The following SPG11 variants were observed in gnomAD, a reference collection of about 807,000 sequenced individuals.
SPG11 encodes the protein SPG11 vesicle trafficking associated, spatacsin, also known as spatacsin.
In SPG11, 222 loss-of-function variants were observed where a neutral mutation model predicts 274.0. That is an observed-to-expected ratio of 0.81 (90% CI 0.73 to 0.91). SPG11 has a LOEUF of 0.91. Among genes scored for constraint, SPG11 ranks in the 40% least tolerant of loss-of-function variants. SPG11 has a pLI of 0.00. For synonymous variants in SPG11, 1,144 were observed against 1,039.7 expected, an observed-to-expected ratio of 1.10 and a Z score of -1.93; for missense variants, 3,114 against 2,872.7, an observed-to-expected ratio of 1.08 and a Z score of -1.92.
chr15:44,634,167 T>A (rs1422141603), intron 7 of SPG11, among the ~76,000 whole-genome samples: 1 of 151,776 alleles, frequency 6.6e-6, no homozygotes, highest in African/African-American at 2.4e-5. Flanking sequence ...AAACAGGAGG[T>A]TATTAGACTA....
chr15:44,584,479 C>A lies in SPG11; in HGVS notation c.5201G>T (p.Cys1734Phe), dbSNP rs780601824. The A allele has an allele frequency of 1.9e-6, 3 of 1,614,158 alleles. No individual in the cohort carries two copies. The East Asian group carries it at 6.7e-5, about 36-fold the overall frequency. Residue 1734 changes from cysteine to phenylalanine, a missense_variant, in exon 30 of 40, where the codon TGC (cysteine) becomes TTC (phenylalanine). By Grantham distance (205) the Cys-to-Phe change is radical. Coordinates refer to ENST00000261866, the MANE Select transcript of SPG11 (RefSeq NM_025137.4). ...TGAATTTTTCTTAAAATTCTCATGG[C>A]ATTTTTTCCAGAAGTCAATTCTTGC... ...KQARIDFWKK[C>F]HENFKKNSIS...
intron 10 of SPG11, 129 bp from the exon 11 acceptor site, chr15:44,626,636 G>A: frequency 2.1e-6 from 2 of 963,606 alleles, no homozygotes; most frequent in South Asian, 1.5e-5. Flanking sequence ...ACTAGATTTG[G>A]AGTTAGGTTC....
At chr15:44,580,082 A>T (rs547609142) in intron 30 of SPG11, among the ~76,000 whole-genome samples, 28 of 152,342 alleles carry the variant, frequency 1.8e-4, no homozygotes, top group Middle Eastern at 3.4e-3. Context: ...ATTTAAAAAA[A>T]TTTTTTAAAT....
At chr15:44,652,332 T>C in intron 4 of SPG11, 66 bp from the exon 5 acceptor site, 1 of 1,538,862 alleles carries the variant, frequency 6.5e-7, no homozygotes, top group Non-Finnish European at 8.9e-7. Context: ...GTGTTACTAC[T>C]GCTCCTGTTA....
chr15:44,603,826 AGTT>A (rs1481348163), intron 20 of SPG11, among the ~76,000 whole-genome samples: 2 of 152,192 alleles, frequency 1.3e-5, no homozygotes, highest in Admixed American at 1.3e-4. Context: ...CCATGTAGAT[AGTT>A]GTTATACTGT....
chr15:44,571,304 G>A (rs145253534), intron 33 of SPG11, among the ~76,000 whole-genome samples: 48 of 151,938 alleles, frequency 3.2e-4, no homozygotes, highest in Non-Finnish European at 5.1e-4. Flanking sequence ...TGGACATTTC[G>A]TCCAGAACTC....
At position 44,565,926 on chromosome 15, in the gene SPG11, C is replaced by T; in HGVS notation, c.6927G>A (p.Gln2309=). The T allele has an allele frequency of 6.2e-7, 1 of 1,613,816 alleles. No individual in the cohort carries two copies. Among genetic ancestry groups the T allele is most frequent in the South Asian group, 1.1e-5 (1 of 91,010 alleles). Residue 2309 remains glutamine (Q), a synonymous_variant, in exon 38 of 40, where the codon CAG becomes CAA. Coordinates refer to ENST00000261866, the MANE Select transcript of SPG11 (RefSeq NM_025137.4). ...TLQIHFLNTG[Q]NTMLINLGRH... ...GGCCCAAGTTGATGAGCATTGTGTT[C>T]TGGCCAGTGTTCAGAAAGTGAATCT...
At chr15:44,609,025 T>C (rs772241176) in intron 18 of SPG11, among the ~76,000 whole-genome samples, 11 of 152,320 alleles carry the variant, frequency 7.2e-5, no homozygotes, top group Non-Finnish European at 1.5e-4. Flanking sequence ...TGATTAAAAA[T>C]AGAGGATTAA....
intron 20 of SPG11, among the ~76,000 whole-genome samples, chr15:44,602,402 TGA>T (rs1162382547): frequency 3.9e-5 from 6 of 152,166 alleles, no homozygotes; most frequent in African/African-American, 1.4e-4. Context: ...CCTAATTTGT[TGA>T]GAGTTTTTAT....
intron 15 of SPG11, among the ~76,000 whole-genome samples, chr15:44,617,440 T>C (rs1189383896): frequency 6.6e-6 from 1 of 152,226 alleles, no homozygotes; most frequent in Non-Finnish European, 1.5e-5. Flanking sequence ...TTTCCCCATA[T>C]AGCTATTCAG....
chr15:44,576,680 A>C (rs535923838), intron 30 of SPG11, among the ~76,000 whole-genome samples: 3 of 152,132 alleles, frequency 2.0e-5, no homozygotes, highest in Admixed American at 2.0e-4. Flanking sequence ...GGGTCTATCT[A>C]TATGTACTGA....
intron 29 of SPG11, among the ~76,000 whole-genome samples, chr15:44,585,215 T>C (rs1012004776): frequency 4.6e-5 from 7 of 151,744 alleles, no homozygotes; most frequent in African/African-American, 1.7e-4. Context: ...AAAAAAAAAG[T>C]CTTATCTCCT....
chr15:44,640,571 A>T (rs1205457657), intron 7 of SPG11, among the ~76,000 whole-genome samples: 1 of 152,200 alleles, frequency 6.6e-6, no homozygotes, highest in African/African-American at 2.4e-5. Context: ...GAATAAGGGA[A>T]TTTGTCCTAA....
At chr15:44,568,049 G>A (rs533182643) in intron 35 of SPG11, among the ~76,000 whole-genome samples, 7 of 152,302 alleles carry the variant, frequency 4.6e-5, no homozygotes, top group African/African-American at 1.7e-4. Context: ...ACTTTGTTAA[G>A]TGAGAAAAGC....
chr15:44,611,715 A>C (rs2083463126), intron 17 of SPG11, among the ~76,000 whole-genome samples: 1 of 152,172 alleles, frequency 6.6e-6, no homozygotes. Flanking sequence ...AAAATGGAAA[A>C]TGCCCTCATT....
chr15:44,634,030 G>T (rs986085132), intron 7 of SPG11, among the ~76,000 whole-genome samples: 1 of 152,134 alleles, frequency 6.6e-6, no homozygotes, highest in Non-Finnish European at 1.5e-5. Context: ...GTAGAGACAG[G>T]GTTTCACTGT....
intron 18 of SPG11, among the ~76,000 whole-genome samples, chr15:44,610,452 A>G (rs947164007): frequency 3.3e-5 from 5 of 152,068 alleles, no homozygotes; most frequent in African/African-American, 1.2e-4. Context: ...GTACAATCTC[A>G]GCTCACTGCA....
intron 33 of SPG11, among the ~76,000 whole-genome samples, chr15:44,570,940 T>C (rs983311133): frequency 1.3e-5 from 2 of 152,198 alleles, no homozygotes; most frequent in Non-Finnish European, 2.9e-5. Flanking sequence ...CACCCTCGCC[T>C]TCTAAACATG....
rs2083896285 is a variant in SPG11, at chr15:44,626,331, C to T, written c.2244G>A (p.Met748Ile). The T allele has an allele frequency of 6.2e-7, 1 of 1,609,952 alleles. No individual in the cohort carries two copies. The highest frequency in any genetic ancestry group is 8.5e-7 in the Non-Finnish European group (1 of 1,178,478). The change falls in exon 11 of 40, where the codon ATG becomes ATA. Residue 748 changes from methionine to isoleucine, a missense_variant and splice_region_variant. By Grantham distance (10) the Met-to-Ile change is conservative. Transcript: ENST00000261866. ...AGACTTTATGGATTACACCACTCAC[C>T]ATATTCTTCAAAAGTTCAGAGGCTT... is the stretch of plus-strand genomic sequence containing the variant. ...IKEASELLKN[M>I]GFDVKGQLLK...
Sources: gnomAD v4.1 joint callset for allele counts (sites outside exome capture counted in the v4.1 genomes callset) on GRCh38, gnomAD v4.1.1 for gene constraint, MANE v1.5 for transcripts, NCBI Gene and HGNC (gene_info 2026-07-23, HGNC 2026-07-21) for gene names.